The following BLK variants were observed in gnomAD, a reference collection of about 807,000 sequenced individuals.
The protein encoded by BLK is BLK proto-oncogene, Src family tyrosine kinase.
A neutral mutation model predicts 61.8 loss-of-function variants in BLK; 64 were observed. The ratio of observed to expected loss-of-function variants is 1.03; its 90% CI spans 0.85 to 1.27. The LOEUF is 1.27. Ranked by LOEUF, BLK falls within the 50% of genes most tolerant of loss-of-function variation. The probability of loss-of-function intolerance (pLI) is 0.00; values close to 1 mark genes in which losing one functional copy is unlikely to be tolerated. For missense variants in BLK, 853 were observed against 660.5 expected, an observed-to-expected ratio of 1.29 and a Z score of -3.19; for synonymous variants, 351 against 272.0, an observed-to-expected ratio of 1.29 and a Z score of -2.86.
At chr8:11,536,479 C>T in intron 1 of BLK, among the ~76,000 whole-genome samples, 1 of 152,184 alleles carries the variant, frequency 6.6e-6, no homozygotes, top group Non-Finnish European at 1.5e-5. Flanking sequence ...CAACCTCCAC[C>T]TCCTGGTTTC....
intron 5 of BLK, 54 bp downstream of exon 5, chr8:11,549,176 C>G: frequency 2.7e-6 from 4 of 1,498,742 alleles, no homozygotes; most frequent in African/African-American, 1.4e-5. Context: ...TGTTTCTGCT[C>G]CCTGGGCTGT....
chr8:11,518,444 G>T (rs944011665), intron 1 of BLK, among the ~76,000 whole-genome samples: 2 of 152,164 alleles, frequency 1.3e-5, no homozygotes, highest in Non-Finnish European at 1.5e-5. Flanking sequence ...GGGGGCAGAA[G>T]ATTTTAATCT....
intron 1 of BLK, among the ~76,000 whole-genome samples, chr8:11,508,593 T>A (rs1226951157): frequency 2.0e-5 from 3 of 152,226 alleles, no homozygotes; most frequent in African/African-American, 7.2e-5. Context: ...CAGAAGGTAC[T>A]TCATGTCAGT....
At chr8:11,555,694 G>C (rs1025055505) in intron 8 of BLK, 3 of 747,092 alleles carry the variant, frequency 4.0e-6, no homozygotes, top group East Asian at 2.8e-5. Flanking sequence ...GGTGGTGGCA[G>C]AGCAGGAACA....
At chr8:11,540,990 G>C (rs112283277) in intron 1 of BLK, among the ~76,000 whole-genome samples, 2 of 152,212 alleles carry the variant, frequency 1.3e-5, no homozygotes, top group Non-Finnish European at 2.9e-5. Flanking sequence ...ATAGGGCCGA[G>C]TGTGATGGCT....
chr8:11,519,615 A>T (rs1799361008), intron 1 of BLK, among the ~76,000 whole-genome samples: 1 of 152,238 alleles, frequency 6.6e-6, no homozygotes. Flanking sequence ...GACTTGTGCC[A>T]GTCACCACAT....
chr8:11,505,270 A>G (rs1174000947), intron 1 of BLK, among the ~76,000 whole-genome samples: 2 of 152,182 alleles, frequency 1.3e-5, no homozygotes, highest in East Asian at 3.8e-4. Flanking sequence ...ATCATCCTTC[A>G]CAAAGTTCTT....
chr8:11,501,944 G>A (rs1291669580), intron 1 of BLK, among the ~76,000 whole-genome samples: 2 of 152,368 alleles, frequency 1.3e-5, no homozygotes, highest in East Asian at 1.9e-4. Flanking sequence ...CAGACAAGAT[G>A]CTCTTTTAAG....
At chr8:11,495,799 C>T (rs967396937) in intron 1 of BLK, among the ~76,000 whole-genome samples, 1 of 152,188 alleles carries the variant, frequency 6.6e-6, no homozygotes, top group Non-Finnish European at 1.5e-5. Context: ...GACCTGGGGT[C>T]TCGCTAATAT....
chr8:11,495,402 C>A (rs558493140), intron 1 of BLK, among the ~76,000 whole-genome samples: 2 of 152,228 alleles, frequency 1.3e-5, no homozygotes, highest in East Asian at 1.9e-4. Context: ...GAGGTTTGGA[C>A]TAAGAGTATG....
At chr8:11,510,006 A>G (rs1040418938) in intron 1 of BLK, 2 of 152,172 alleles carry the variant, frequency 1.3e-5, no homozygotes, top group African/African-American at 2.4e-5. Context: ...TTGGGCCTGC[A>G]TAATATTTCA....
chr8:11,523,425 C>T (rs140812743), intron 1 of BLK, among the ~76,000 whole-genome samples: 144 of 152,008 alleles, frequency 9.5e-4, no homozygotes, highest in Middle Eastern at 3.4e-3. Context: ...TGGTGGTGGG[C>T]GCCTGTAGTC....
intron 1 of BLK, among the ~76,000 whole-genome samples, chr8:11,516,847 G>A (rs540629525): frequency 6.6e-5 from 10 of 152,312 alleles, no homozygotes; most frequent in Non-Finnish European, 1.3e-4. Flanking sequence ...ACTGGCTGCT[G>A]CCACATTTTA....
intron 1 of BLK, among the ~76,000 whole-genome samples, chr8:11,497,523 G>C (rs2117228482): frequency 6.6e-6 from 1 of 152,288 alleles, no homozygotes; most frequent in Non-Finnish European, 1.5e-5. Flanking sequence ...CAGGTTCTCT[G>C]GACCAAAGCT....
intron 1 of BLK, among the ~76,000 whole-genome samples, chr8:11,537,590 G>C (rs985026402): frequency 6.6e-6 from 1 of 152,180 alleles, no homozygotes; most frequent in Non-Finnish European, 1.5e-5. Context: ...TGTGCAGAGG[G>C]CTCAAGCAGC....
chr8:11,533,130 C>A (rs898080254), intron 1 of BLK, among the ~76,000 whole-genome samples: 11 of 152,166 alleles, frequency 7.2e-5, no homozygotes, highest in Non-Finnish European at 1.3e-4. Context: ...ATCCTGCAAC[C>A]GTTTTATGAG....
chr8:11,561,594 T>G (rs1801510075), intron 11 of BLK, 142 bp downstream of exon 11: 1 of 1,163,006 alleles, frequency 8.6e-7, no homozygotes, highest in Non-Finnish European at 1.2e-6. Flanking sequence ...GATCAGCATT[T>G]CCTTCATTTA....
intron 1 of BLK, among the ~76,000 whole-genome samples, chr8:11,525,266 A>G (rs75560281): frequency 0.02 from 3,078 of 152,286 alleles, 97 homozygotes; most frequent in African/African-American, 0.07. Flanking sequence ...ACATGAGTTT[A>G]TTACTTTCTG....
intron 1 of BLK, among the ~76,000 whole-genome samples, chr8:11,495,616 T>C (rs1371588923): frequency 1.3e-5 from 2 of 152,090 alleles, no homozygotes. Context: ...CCACAACATA[T>C]TTCACCTTCA....
Sources: allele counts gnomAD v4.1 joint callset (sites outside exome capture counted in the v4.1 genomes callset), GRCh38; gene constraint gnomAD v4.1.1; transcripts MANE v1.5; gene names NCBI Gene and HGNC (gene_info 2026-07-23, HGNC 2026-07-21).